Variants in B3GLCT observed in about 807,000 individuals in gnomAD.
B3GLCT encodes beta-1,3-glucosyltransferase.
In B3GLCT, 65 loss-of-function variants were observed where a neutral mutation model predicts 63.4. That is an observed-to-expected ratio of 1.03 (90% CI 0.84 to 1.26). The LOEUF (loss-of-function observed/expected upper bound fraction) is 1.26. B3GLCT is among the 50% of genes most tolerant of loss of function. The probability of loss-of-function intolerance (pLI) is 0.00; values close to 1 mark genes in which losing one functional copy is unlikely to be tolerated. For missense variants in B3GLCT, 577 were observed against 604.8 expected, an observed-to-expected ratio of 0.95 and a Z score of 0.48; for synonymous variants, 233 against 219.2, an observed-to-expected ratio of 1.06 and a Z score of -0.55.
rs572148455 is a variant in B3GLCT, at chr13:31,331,981, CTA to C, written c.*2315_*2316del. The C allele has an allele frequency of 2.6e-4, 40 of 152,282 alleles. No individual in the cohort carries two copies. In the East Asian group the frequency reaches 7.5e-3, roughly 29 times the overall value. 9.4% of individuals were successfully genotyped at this position (152,282 alleles called of 1,614,324 possible). A position where few individuals can be genotyped will look rare whatever the true frequency, so the allele number is the denominator to read the frequency against. On this transcript the variant is annotated 3_prime_UTR_variant, in exon 15 of 15. Transcript: ENST00000343307. ...GATATAGCCAAAGCAGGTTGTCTGA[CTA>C]TGTAGGATTTTTACATCTTGAAACT... is the stretch of plus-strand genomic sequence containing the variant.
intron 12 of B3GLCT, among the ~76,000 whole-genome samples, chr13:31,296,866 A>G (rs954876801): frequency 3.3e-5 from 5 of 152,124 alleles, no homozygotes; most frequent in South Asian, 2.1e-4. Flanking sequence ...AGCCATCTGC[A>G]TAACTCTTTT....
intron 6 of B3GLCT, among the ~76,000 whole-genome samples, chr13:31,248,392 C>T (rs1288792513): frequency 6.6e-6 from 1 of 152,152 alleles, no homozygotes; most frequent in Non-Finnish European, 1.5e-5. Context: ...AAACAGACAG[C>T]GATTCTGAAC....
At chr13:31,218,521 C>T (rs1203830766) in intron 2 of B3GLCT, among the ~76,000 whole-genome samples, 1 of 152,110 alleles carries the variant, frequency 6.6e-6, no homozygotes, top group East Asian at 1.9e-4. Context: ...AATTTGCTGT[C>T]AGCGTGGATG....
chr13:31,206,941 T>C (rs1313631005), intron 1 of B3GLCT, among the ~76,000 whole-genome samples: 1 of 152,192 alleles, frequency 6.6e-6, no homozygotes, highest in Non-Finnish European at 1.5e-5. Flanking sequence ...TAAATGCTGC[T>C]GAGGAGACCA....
chr13:31,237,022 A>T (rs1452713898), intron 4 of B3GLCT, among the ~76,000 whole-genome samples: 1 of 151,924 alleles, frequency 6.6e-6, no homozygotes, highest in Non-Finnish European at 1.5e-5. Context: ...GCTACTCTGG[A>T]GGCAGAGGCA....
intron 6 of B3GLCT, among the ~76,000 whole-genome samples, chr13:31,256,584 A>C (rs986571600): frequency 9.9e-5 from 15 of 152,240 alleles, no homozygotes; most frequent in Non-Finnish European, 1.9e-4. Context: ...ATGGAATACT[A>C]TGCAGCCATA....
At chr13:31,293,935 T>G (rs372235658) in intron 12 of B3GLCT, among the ~76,000 whole-genome samples, 17 of 152,224 alleles carry the variant, frequency 1.1e-4, no homozygotes, top group African/African-American at 4.1e-4. Context: ...GTTTTTGCAG[T>G]GGCTGGTACC....
intron 6 of B3GLCT, among the ~76,000 whole-genome samples, chr13:31,255,061 C>T (rs1871664339): frequency 6.6e-6 from 1 of 150,614 alleles, no homozygotes; most frequent in Non-Finnish European, 1.5e-5. Flanking sequence ...AAAAGAAAAC[C>T]CCATCATCTC....
At chr13:31,289,435 G>A (rs529689936) in intron 12 of B3GLCT, among the ~76,000 whole-genome samples, 2 of 152,084 alleles carry the variant, frequency 1.3e-5, no homozygotes, top group South Asian at 2.1e-4. Context: ...GACTTCACAT[G>A]GCATATTAGG....
At chr13:31,261,976 A>G (rs1872052883) in intron 7 of B3GLCT, among the ~76,000 whole-genome samples, 1 of 152,198 alleles carries the variant, frequency 6.6e-6, no homozygotes, top group African/African-American at 2.4e-5. Flanking sequence ...TTTCCTTGCT[A>G]CTAGGAAGCA....
In B3GLCT at chr13:31,246,726, G is replaced by A. The variant is rs186315516; in HGVS notation, c.271-297G>A. Among the ~76,000 whole-genome samples, 909 of 152,212 alleles carry A rather than the reference G, an allele frequency of 6.0e-3. 10 individuals carry two copies. The highest frequency in any genetic ancestry group is 0.02 in the African/African-American group (820 of 41,536). ...ACCTTCACAGATTTCAGGTTGGCTC[G>A]GAGTCACGGAAGACCCTCCTTGTAG... On this transcript the variant is annotated intron_variant, in intron 4 of 14. Coordinates refer to ENST00000343307, the MANE Select transcript of B3GLCT (RefSeq NM_194318.4).
chr13:31,286,958 G>T, intron 12 of B3GLCT, 139 bp downstream of exon 12: 1 of 581,880 alleles, frequency 1.7e-6, no homozygotes, highest in Non-Finnish European at 3.1e-6. Context: ...TCCTCTTAAG[G>T]AACAAAATAT....
At chr13:31,313,642 G>C (rs1437213441) in intron 12 of B3GLCT, among the ~76,000 whole-genome samples, 1 of 152,150 alleles carries the variant, frequency 6.6e-6, no homozygotes, top group Non-Finnish European at 1.5e-5. Flanking sequence ...GAGCATAAAA[G>C]TTTAGAAAAT....
chr13:31,202,959 G>A (rs1868759326), intron 1 of B3GLCT, among the ~76,000 whole-genome samples: 1 of 152,220 alleles, frequency 6.6e-6, no homozygotes, highest in Non-Finnish European at 1.5e-5. Context: ...ATTATATGCA[G>A]CCAAACCTAA....
intron 12 of B3GLCT, among the ~76,000 whole-genome samples, chr13:31,316,407 T>TTATATATACATATATATATATATA (rs1555255280): frequency 2.4e-5 from 1 of 40,866 alleles, no homozygotes; most frequent in African/African-American, 6.5e-5. Flanking sequence ...TTTGGAGGTT[T>TTATATATACATATATATATATATA]TATATATATA....
chr13:31,227,494 T>TAAGACTTAATATATAA (rs1319476955), intron 3 of B3GLCT, among the ~76,000 whole-genome samples: 2 of 152,210 alleles, frequency 1.3e-5, no homozygotes, highest in African/African-American at 4.8e-5. Flanking sequence ...CTTACCCATG[T>TAAGACTTAATATATAA]GTCCAACATA....
chr13:31,248,851 A>G (rs1871308288), intron 6 of B3GLCT, among the ~76,000 whole-genome samples: 1 of 152,208 alleles, frequency 6.6e-6, no homozygotes, highest in East Asian at 1.9e-4. Context: ...ACCCTGTAAT[A>G]ATCAGTTTTG....
Position 31,215,080 on chromosome 13 carries a change from A to C in B3GLCT, c.100A>C (p.Lys34Gln). Residue 34 changes from lysine (K) to glutamine (Q), a missense_variant, in exon 2 of 15, where the codon AAA (lysine) becomes CAA (glutamine). Physicochemically the swap from Lys to Gln is moderately conservative, Grantham distance 53. Transcript: ENST00000343307. Reference sequence around the variant, plus strand: ...TGGTTTGGCTTCTGAAGATACAAAGAAAGAGGTCAAGCAGTCTCAGGTACT... The same window carrying C: ...TGGTTTGGCTTCTGAAGATACAAAGCAAGAGGTCAAGCAGTCTCAGGTACT... ...AFGLASEDTK[K>Q]EVKQSQDLEK... 6.2e-6 allele frequency: 10 copies of C among 1,611,344 alleles called. No individual in the cohort carries two copies. The highest frequency in any genetic ancestry group is 8.5e-6 in the Non-Finnish European group (10 of 1,179,728).
intron 3 of B3GLCT, among the ~76,000 whole-genome samples, chr13:31,226,331 G>A (rs1870100880): frequency 6.6e-6 from 1 of 152,238 alleles, no homozygotes; most frequent in Non-Finnish European, 1.5e-5. Context: ...TTTGCTGAAT[G>A]AATGAATGAA....
Sources: gnomAD v4.1 joint callset for allele counts (sites outside exome capture counted in the v4.1 genomes callset) on GRCh38, gnomAD v4.1.1 for gene constraint, MANE v1.5 for transcripts, NCBI Gene and HGNC (gene_info 2026-07-23, HGNC 2026-07-21) for gene names.